The following PCDH7 variants were observed in gnomAD, a reference collection of about 807,000 sequenced individuals.
PCDH7 encodes the protein protocadherin 7.
PCDH7 carries 17 observed loss-of-function variants against 58.9 expected under a neutral mutation model. The observed-to-expected ratio is 0.29, with a 90% CI of 0.20 to 0.43. The LOEUF is 0.43. Ranked by LOEUF, PCDH7 falls within the 20% of genes least tolerant of loss-of-function variation. The pLI, the probability that PCDH7 is intolerant of heterozygous loss-of-function variation, is 1.00. For synonymous variants in PCDH7, 664 were observed against 616.4 expected, an observed-to-expected ratio of 1.08 and a Z score of -1.14; for missense variants, 1,274 against 1,441.0, an observed-to-expected ratio of 0.88 and a Z score of 1.88.
intron 2 of PCDH7, among the ~76,000 whole-genome samples, chr4:30,922,745 G>C (rs573309698): frequency 2.6e-5 from 4 of 152,248 alleles, no homozygotes; most frequent in African/African-American, 9.6e-5. Context: ...TTGAAAGTCA[G>C]AGTTTATATG....
intron 1 of PCDH7, among the ~76,000 whole-genome samples, chr4:30,896,954 G>A (rs1185274071): frequency 8.2e-6 from 1 of 122,650 alleles, no homozygotes; most frequent in East Asian, 2.6e-4. Context: ...ACCCAGGCTG[G>A]AGTGCAGTGG....
At chr4:31,061,540 CT>C (rs1207481432) in intron 3 of PCDH7, among the ~76,000 whole-genome samples, 1 of 140,756 alleles carries the variant, frequency 7.1e-6, no homozygotes, top group African/African-American at 2.6e-5. Flanking sequence ...CTTTTCTGGA[CT>C]TGGAGAAAAA....
chr4:30,875,476 A>G (rs1465360440), intron 1 of PCDH7, among the ~76,000 whole-genome samples: 1 of 152,066 alleles, frequency 6.6e-6, no homozygotes, highest in African/African-American at 2.4e-5. Context: ...CATCTCTTTA[A>G]TGTTAGAGCT....
intron 1 of PCDH7, among the ~76,000 whole-genome samples, chr4:30,875,899 T>G (rs560093294): frequency 9.2e-5 from 14 of 152,154 alleles, no homozygotes; most frequent in Non-Finnish European, 1.8e-4. Context: ...TGTGAACGTT[T>G]TCTTCTGTCA....
chr4:30,931,034 A>G (rs1744512327), intron 2 of PCDH7, among the ~76,000 whole-genome samples: 1 of 152,242 alleles, frequency 6.6e-6, no homozygotes, highest in African/African-American at 2.4e-5. Flanking sequence ...GAAAGTAGTA[A>G]CTATCAAATA....
At chr4:30,991,655 A>G (rs564422207) in intron 3 of PCDH7, among the ~76,000 whole-genome samples, 10 of 152,194 alleles carry the variant, frequency 6.6e-5, no homozygotes, top group African/African-American at 2.2e-4. Flanking sequence ...AGTATTTGAA[A>G]TTGACACCAA....
chr4:30,852,689 C>T (rs534675721), intron 1 of PCDH7, among the ~76,000 whole-genome samples: 1 of 151,820 alleles, frequency 6.6e-6, no homozygotes, highest in Non-Finnish European at 1.5e-5. Flanking sequence ...TAATATTGTG[C>T]CCTCCAAATT....
intron 1 of PCDH7, among the ~76,000 whole-genome samples, chr4:30,765,352 C>CT (rs1242147835): frequency 2.6e-5 from 4 of 151,942 alleles, no homozygotes; most frequent in African/African-American, 9.7e-5. Context: ...TGTTCATGGC[C>CT]TTGCCGCCTG....
intron 1 of PCDH7, among the ~76,000 whole-genome samples, chr4:30,889,077 A>T (rs1325662222): frequency 7.2e-6 from 1 of 139,324 alleles, no homozygotes; most frequent in East Asian, 2.3e-4. Flanking sequence ...GCCACTCCAG[A>T]GGCTGAGGTG....
intron 3 of PCDH7, among the ~76,000 whole-genome samples, chr4:31,020,660 A>G (rs1433303193): frequency 6.6e-6 from 1 of 152,250 alleles, no homozygotes; most frequent in Non-Finnish European, 1.5e-5. Flanking sequence ...TTCAGAAACT[A>G]AACACTTTGT....
chr4:30,831,934 T>A (rs1729848494), intron 1 of PCDH7, among the ~76,000 whole-genome samples: 1 of 152,206 alleles, frequency 6.6e-6, no homozygotes, highest in Non-Finnish European at 1.5e-5. Flanking sequence ...AGATATTTTG[T>A]AATTTTCATA....
At chr4:30,732,121 T>C (rs1200296723) in exon 2 of PCDH7, 3 of 152,184 alleles carry the variant, frequency 2.0e-5, no homozygotes, top group Non-Finnish European at 4.4e-5. Context: ...CCTGAGGATT[T>C]TCATTTTATA....
At chr4:30,787,592 A>G (rs994526484) in intron 1 of PCDH7, among the ~76,000 whole-genome samples, 2 of 152,128 alleles carry the variant, frequency 1.3e-5, no homozygotes, top group East Asian at 1.9e-4. Flanking sequence ...TTATATCAAT[A>G]AGAAACTGTC....
chr4:30,943,914 A>C (rs1359988035), intron 2 of PCDH7, among the ~76,000 whole-genome samples: 1 of 151,922 alleles, frequency 6.6e-6, no homozygotes, highest in African/African-American at 2.4e-5. Flanking sequence ...TTTGCATAAC[A>C]CATCTTGGTA....
intron 3 of PCDH7, among the ~76,000 whole-genome samples, chr4:31,123,124 G>A (rs1717889106): frequency 1.3e-5 from 2 of 151,406 alleles, no homozygotes; most frequent in Admixed American, 1.3e-4. Flanking sequence ...CTTTTCTGGG[G>A]GTTTATTTAA....
chr4:31,055,360 T>C (rs955297956), intron 3 of PCDH7, among the ~76,000 whole-genome samples: 1 of 152,134 alleles, frequency 6.6e-6, no homozygotes, highest in African/African-American at 2.4e-5. Context: ...AAAAACGAAT[T>C]TCTACTCCCT....
chr4:30,991,436 A>G (rs1195859332), intron 3 of PCDH7, among the ~76,000 whole-genome samples: 2 of 152,212 alleles, frequency 1.3e-5, no homozygotes. Flanking sequence ...TTAAAGAGGG[A>G]TATCCCTGAT....
chr4:30,785,263 G>A (rs187290284), intron 1 of PCDH7, among the ~76,000 whole-genome samples: 40 of 152,116 alleles, frequency 2.6e-4, no homozygotes, highest in Admixed American at 6.5e-4. Context: ...AATAACGCAC[G>A]ATATCAGAAA....
chr4:30,859,503 A>G (rs1189502660), intron 1 of PCDH7, among the ~76,000 whole-genome samples: 5 of 150,262 alleles, frequency 3.3e-5, no homozygotes, highest in African/African-American at 9.8e-5. Flanking sequence ...GCAGTGGTGC[A>G]ATCTCGACTC....
Sources: allele counts gnomAD v4.1 joint callset (sites outside exome capture counted in the v4.1 genomes callset), GRCh38; gene constraint gnomAD v4.1.1; transcripts MANE v1.5; gene names NCBI Gene and HGNC (gene_info 2026-07-23, HGNC 2026-07-21).